Variants in VPS16 observed in about 807,000 individuals in gnomAD.
VPS16 encodes the protein VPS16 core subunit of CORVET and HOPS complexes.
Under a neutral mutation model 116.0 loss-of-function variants are expected in VPS16, and 82 were observed. The observed-to-expected ratio is 0.71, with a 90% CI of 0.59 to 0.85. The LOEUF is 0.85. Among genes scored for constraint, VPS16 ranks in the 40% least tolerant of loss-of-function variants. The probability of loss-of-function intolerance (pLI) is 0.00; values close to 1 mark genes in which losing one functional copy is unlikely to be tolerated. For synonymous variants in VPS16, 406 were observed against 420.7 expected (o/e 0.96, Z 0.43); for missense variants, 928 against 1,090.6 (o/e 0.85, Z 2.10).
At chr20:2,852,794 G>A (rs1223488070) in intron 1 of VPS16, among the ~76,000 whole-genome samples, 1 of 152,226 alleles carries the variant, frequency 6.6e-6, no homozygotes, top group Non-Finnish European at 1.5e-5. Flanking sequence ...TGTGCTGGTG[G>A]AGGGTCTTGC....
At chr20:2,847,119 C>A (rs1274257467) in intron 1 of VPS16, among the ~76,000 whole-genome samples, 1 of 152,214 alleles carries the variant, frequency 6.6e-6, no homozygotes, top group Non-Finnish European at 1.5e-5. Flanking sequence ...TCTAGAAGCC[C>A]ACTTTACCTC....
chr20:2,847,402 C>T (rs567027006), intron 1 of VPS16, among the ~76,000 whole-genome samples: 1 of 152,132 alleles, frequency 6.6e-6, no homozygotes, highest in African/African-American at 2.4e-5. Context: ...CACCCACCCC[C>T]TCCCTGGATC....
chr20:2,864,877 G>A lies in VPS16; in HGVS notation c.1927-101G>A. ...CACCTAGCAGGCAAGGCTGACCCTG[G>A]CGACCCTGGGCACAGGGATGGGGGA... On this transcript the variant is annotated intron_variant, in intron 19 of 23. Transcript: ENST00000380445. The surrounding 1 kb of genome is among the most constrained non-coding windows in gnomAD (Gnocchi z 5.2). 1 of 1,523,432 alleles carries A rather than the reference G, an allele frequency of 6.6e-7. No homozygotes were observed. Among genetic ancestry groups the A allele is most frequent in the Non-Finnish European group, 9.0e-7 (1 of 1,105,188 alleles). The allele number at this position is 1,523,432 out of a possible 1,614,324, so 94.4% of individuals were successfully genotyped here.
At chr20:2,847,638 C>T (rs2089074353) in intron 1 of VPS16, among the ~76,000 whole-genome samples, 1 of 152,070 alleles carries the variant, frequency 6.6e-6, no homozygotes, top group Non-Finnish European at 1.5e-5. Flanking sequence ...GCCACCACAC[C>T]CAGCTAATTT....
intron 1 of VPS16, among the ~76,000 whole-genome samples, chr20:2,848,120 C>G (rs1285745036): frequency 6.6e-6 from 1 of 152,354 alleles, no homozygotes. Context: ...GTTCACGTAG[C>G]AGGCAGATTG....
Position 2,863,005 on chromosome 20 carries a change from G to A in VPS16, c.1332-60G>A. ...AGGGGAAGGGGCTGGAGATGCGTCT[G>A]CAGGTACCTGGCAAGCGGGGCTTAT... On this transcript the variant is annotated intron_variant, in intron 13 of 23. Coordinates refer to ENST00000380445, the MANE Select transcript of VPS16 (RefSeq NM_022575.4). This position sits in a 1 kb window ranked among gnomAD's most constrained non-coding sequence, Gnocchi z 4.4. The A allele has an allele frequency of 6.2e-7, 1 of 1,614,040 alleles. No individual in the cohort carries two copies. The highest frequency in any genetic ancestry group is 1.3e-5 in the African/African-American group (1 of 75,028).
chr20:2,862,956 G>T (rs776466439), intron 13 of VPS16, 22 bp downstream of exon 13: 2 of 1,613,718 alleles, frequency 1.2e-6, no homozygotes, highest in Admixed American at 3.3e-5. Flanking sequence ...CACGCCAGAA[G>T]GGTACCCTAC....
chr20:2,848,398 C>T, intron 1 of VPS16, among the ~76,000 whole-genome samples: 1 of 152,138 alleles, frequency 6.6e-6, no homozygotes, highest in East Asian at 1.9e-4. Flanking sequence ...TGTGAGCCAC[C>T]ATGCCTGTCT....
chr20:2,860,249 G>A lies in VPS16; in HGVS notation c.251G>A (p.Gly84Glu). Reference sequence around the variant, plus strand: ...CTCTCTCCCCTGCAGTGGAAGAGTGGACCCGTGGTGTCCCTGGGCTGGTCA... The same window carrying A: ...CTCTCTCCCCTGCAGTGGAAGAGTGAACCCGTGGTGTCCCTGGGCTGGTCA... Reference protein sequence around the residue: ...MPLASLLWKSGPVVSLGWSAE... With the variant: ...MPLASLLWKSEPVVSLGWSAE... Residue 84 changes from glycine to glutamate, a missense_variant, in exon 4 of 24, where the codon GGA becomes GAA. By Grantham distance (98) the Gly-to-Glu change is moderately conservative. Coordinates refer to ENST00000380445, the MANE Select transcript of VPS16 (RefSeq NM_022575.4). The surrounding 1 kb of genome is among the most constrained non-coding windows in gnomAD (Gnocchi z 6.1). 1 of 1,614,084 alleles carries A rather than the reference G, an allele frequency of 6.2e-7. No individual in the cohort carries two copies.
Position 2,861,207 on chromosome 20 carries a change from T to G in VPS16, c.754-18T>G. On this transcript the variant is annotated intron_variant, in intron 7 of 23. Coordinates refer to ENST00000380445, the MANE Select transcript of VPS16 (RefSeq NM_022575.4). ...TGACTGCTGGGACAGGGCCATGACA[T>G]TGCCCACACCATTTCAGGAGAAGCT... 6.2e-7 allele frequency: 1 copy of G among 1,614,128 alleles called. No homozygotes were observed. Among genetic ancestry groups the G allele is most frequent in the Non-Finnish European group, 8.5e-7 (1 of 1,180,020 alleles).
chr20:2,849,327 T>A (rs1327031327), intron 1 of VPS16, among the ~76,000 whole-genome samples: 1 of 134,776 alleles, frequency 7.4e-6, no homozygotes, highest in Non-Finnish European at 1.6e-5. Context: ...TGAGGCGGAG[T>A]TTTGCTCTTA....
In VPS16 at chr20:2,862,157, C is replaced by T. The variant is rs764880540; in HGVS notation, c.1071+27C>T. 5 of 1,606,240 alleles carry T rather than the reference C, an allele frequency of 3.1e-6. No individual in the cohort carries two copies. In the South Asian group the frequency reaches 5.6e-5, roughly 18 times the overall value. ...TAAAGCCCTGGGCTTCTCTCCCAGT[C>T]CCAGAATGGTTCCTCCTGCCCCTGC... is the stretch of plus-strand genomic sequence containing the variant. On this transcript the variant is annotated intron_variant, in intron 11 of 23. Transcript: ENST00000380445.
intron 12 of VPS16, 48 bp from the exon 13 acceptor site, chr20:2,862,759 G>GGGGGGGGGGGGGGGGC: frequency 1.3e-6 from 1 of 777,202 alleles, no homozygotes; most frequent in Non-Finnish European, 2.1e-6. Flanking sequence ...GAGGGGGTGG[G>GGGGGGGGGGGGGGGGC]ATGGGCAGCA....
At chr20:2,859,919 T>G in intron 2 of VPS16, 112 bp downstream of exon 2, 2 of 1,478,806 alleles carry the variant, frequency 1.4e-6, no homozygotes, top group Admixed American at 3.6e-5. Flanking sequence ...CCACTCACCC[T>G]GCTGAGATGC....
chr20:2,864,480 G>A lies in VPS16; in HGVS notation c.1818+18G>A. The stretch of plus-strand genomic sequence containing the variant: ...ACCGACAGGTGTGTGTAGTGGGCAG[G>A]GTTGTGGTGTAGCCTTCTGAGCACT... On this transcript the variant is annotated intron_variant, in intron 18 of 23. Coordinates refer to ENST00000380445, the MANE Select transcript of VPS16 (RefSeq NM_022575.4). The surrounding 1 kb of genome is among the most constrained non-coding windows in gnomAD (Gnocchi z 5.2). The A allele has an allele frequency of 6.2e-7, 1 of 1,614,174 alleles. No individual in the cohort carries two copies.
chr20:2,865,262 G>C lies in VPS16; in HGVS notation c.2119G>C (p.Gly707Arg). The change falls in exon 21 of 24, where the codon GGT becomes CGT. Residue 707 changes from glycine (G) to arginine (R), a missense_variant. Transcript: ENST00000380445. This position sits in a 1 kb window ranked among gnomAD's most constrained non-coding sequence, Gnocchi z 5.2. ...HDTVTTLILGGHNKRAEQLAR... is the reference protein window; with the variant it reads ...HDTVTTLILGRHNKRAEQLAR... ...CACAGTTACCACCCTCATTCTTGGC[G>C]GTCACAACAAGCGTGCAGAGCAGCT... is the stretch of plus-strand genomic sequence containing the variant. 1 of 1,614,110 alleles carries C rather than the reference G, an allele frequency of 6.2e-7. No homozygotes were observed. The highest frequency in any genetic ancestry group is 1.6e-4 in the Middle Eastern group (1 of 6,062).
rs1183275581 is a variant in VPS16 at position 2,861,645 on chromosome 20, C to T, written c.840C>T (p.Ala280=). ...GCCGTCCTCGTAGCAAGGAGAGGGC[C>T]GTGGTGGTGGCCTGGGAAAGGCGGC... ...WCSRPRSKER[A]VVVAWERRLM... is the part of the protein sequence containing the mutation. Residue 280 remains alanine, a synonymous_variant, in exon 9 of 24, where the codon GCC becomes GCT. Coordinates refer to ENST00000380445, the MANE Select transcript of VPS16 (RefSeq NM_022575.4). 3 of 1,612,672 alleles carry T rather than the reference C, an allele frequency of 1.9e-6. No individual in the cohort carries two copies. The highest frequency in any genetic ancestry group is 1.6e-4 in the Middle Eastern group (1 of 6,084).
rs1313323205 is a variant in VPS16, at chr20:2,859,352, C to G, written c.54-367C>G. On this transcript the variant is annotated intron_variant, in intron 1 of 23. Coordinates refer to ENST00000380445, the MANE Select transcript of VPS16 (RefSeq NM_022575.4). ...TCTGAGAGACCTTTTCTGAGAGTCT[C>G]ATTTCCTGCTAAAGCTGGCCTGAGC... Among the ~76,000 whole-genome samples the G allele has an allele frequency of 2.6e-5, 4 of 152,190 alleles. No individual in the cohort carries two copies. The East Asian group carries it at 7.7e-4, about 29-fold the overall frequency.
Position 2,858,489 on chromosome 20 carries a change from A to AT in VPS16, c.54-1221dup, listed in dbSNP as rs979461687. On this transcript the variant is annotated intron_variant, in intron 1 of 23. Transcript: ENST00000380445. Reference sequence around the variant, plus strand: ...TTCATCAAAATATAAACATCTCTTTATTTTTTTTTCTTAAATTATGTTGGC... The same window carrying AT: ...TTCATCAAAATATAAACATCTCTTTATTTTTTTTTTCTTAAATTATGTTGGC... Among the ~76,000 whole-genome samples the AT allele has an allele frequency of 1.3e-4, 20 of 151,278 alleles. No homozygotes were observed. The South Asian group carries it at 1.9e-3, about 14-fold the overall frequency.
Sources: allele counts gnomAD v4.1 joint callset (sites outside exome capture counted in the v4.1 genomes callset), GRCh38; gene constraint gnomAD v4.1.1; non-coding constraint Gnocchi (gnomAD v3.1); transcripts MANE v1.5; gene names NCBI Gene and HGNC (gene_info 2026-07-23, HGNC 2026-07-21).